KIAA1328: variants seen among roughly 807,000 people sequenced by gnomAD.
KIAA1328 encodes the protein KIAA1328, also known as protein hinderin.
In KIAA1328, 52 loss-of-function variants were observed where a neutral mutation model predicts 68.1. The ratio of observed to expected loss-of-function variants is 0.76; its 90% confidence interval spans 0.61 to 0.96. The LOEUF (loss-of-function observed/expected upper bound fraction) is 0.96, where lower values mean the gene tolerates loss of function less well. Ranked by LOEUF, KIAA1328 falls within the 40% of genes least tolerant of loss-of-function variation. The pLI is 0.00. For missense variants in KIAA1328, 641 were observed against 677.6 expected (o/e 0.95, Z 0.60); for synonymous variants, 232 against 239.4 (o/e 0.97, Z 0.28).
chr18:36,940,581 C>A (rs2050670353), intron 5 of KIAA1328, among the ~76,000 whole-genome samples: 1 of 152,006 alleles, frequency 6.6e-6, no homozygotes, highest in Admixed American at 6.5e-5. Context: ...TCCTGACTTC[C>A]CTTTTATATG....
intron 8 of KIAA1328, among the ~76,000 whole-genome samples, chr18:37,164,477 G>A (rs2059345357): frequency 1.3e-5 from 2 of 152,170 alleles, no homozygotes; most frequent in Non-Finnish European, 2.9e-5. Context: ...GGGTGTGGTG[G>A]CTCACGCCTG....
At chr18:37,107,030 G>C (rs1276241696) in intron 7 of KIAA1328, among the ~76,000 whole-genome samples, 1 of 152,102 alleles carries the variant, frequency 6.6e-6, no homozygotes, top group East Asian at 1.9e-4. Flanking sequence ...GATCACTTGA[G>C]GCCAGGAGTT....
In KIAA1328 at chr18:36,844,236, C is replaced by T. The variant is rs754570251; in HGVS notation, c.266C>T (p.Ala89Val). The T allele has an allele frequency of 1.9e-6, 3 of 1,602,638 alleles. No individual in the cohort carries two copies. Among genetic ancestry groups the T allele is most frequent in the South Asian group, 2.3e-5 (2 of 88,622 alleles). Reference sequence around the variant, plus strand: ...TCCTGCAGGGGAGAAATAAAGAGTGCATCATTGAAGGATTTATGTCTTGAA... The same window carrying T: ...TCCTGCAGGGGAGAAATAAAGAGTGTATCATTGAAGGATTTATGTCTTGAA... ...QNSCRGEIKS[A>V]SLKDLCLEDK... Residue 89 changes from alanine (A) to valine (V), a missense_variant, in exon 4 of 10, where the codon GCA becomes GTA. Physicochemically the swap from Ala to Val is moderately conservative, Grantham distance 64. Coordinates refer to ENST00000280020, the MANE Select transcript of KIAA1328 (RefSeq NM_020776.3).
intron 6 of KIAA1328, among the ~76,000 whole-genome samples, chr18:36,973,862 C>T (rs939403018): frequency 2.2e-5 from 3 of 135,928 alleles, no homozygotes; most frequent in African/African-American, 7.5e-5. Flanking sequence ...TATATATCTT[C>T]AAAAATTCTA....
intron 6 of KIAA1328, among the ~76,000 whole-genome samples, chr18:37,013,714 G>A (rs1401257930): frequency 6.6e-6 from 1 of 152,094 alleles, no homozygotes; most frequent in Non-Finnish European, 1.5e-5. Context: ...CATGGTATAC[G>A]TGTACCACAT....
intron 7 of KIAA1328, among the ~76,000 whole-genome samples, chr18:37,103,237 A>T (rs1342624809): frequency 6.6e-6 from 1 of 152,204 alleles, no homozygotes; most frequent in Non-Finnish European, 1.5e-5. Context: ...GTTACATCAC[A>T]CTACCTGACT....
In KIAA1328 at chr18:36,918,183, CCAAT is replaced by C. The variant is rs1201598587; in HGVS notation, c.448+32514_448+32517del. On this transcript the variant is annotated intron_variant, in intron 5 of 9. Coordinates refer to ENST00000280020, the MANE Select transcript of KIAA1328 (RefSeq NM_020776.3). ...TAAATATTCCCCCCCTTTTTTGTAT[CCAAT>C]CAGTCTCTGATTTTTCCCCTTTTCC... Among the ~76,000 whole-genome samples, 9 of 151,904 alleles carry C rather than the reference CCAAT, an allele frequency of 5.9e-5. 1 individual carries two copies. The South Asian group carries it at 1.2e-3, about 21-fold the overall frequency.
intron 7 of KIAA1328, among the ~76,000 whole-genome samples, chr18:37,118,205 G>A (rs945073777): frequency 6.6e-6 from 1 of 151,922 alleles, no homozygotes; most frequent in African/African-American, 2.4e-5. Flanking sequence ...ATGTTGCCTA[G>A]GATGGTCTTG....
intron 5 of KIAA1328, among the ~76,000 whole-genome samples, chr18:36,943,675 T>C (rs987597463): frequency 1.3e-5 from 2 of 152,202 alleles, no homozygotes; most frequent in African/African-American, 4.8e-5. Flanking sequence ...AACTGAATAA[T>C]ACTGTGATTT....
At chr18:37,084,177 C>G in intron 7 of KIAA1328, 1 of 1,526,706 alleles carries the variant, frequency 6.6e-7, no homozygotes, top group Admixed American at 2.0e-5. Context: ...TGAAAAACAG[C>G]TTACTAAACC....
intron 4 of KIAA1328, among the ~76,000 whole-genome samples, chr18:36,877,195 C>CT (rs1406514974): frequency 6.6e-6 from 1 of 152,066 alleles, no homozygotes; most frequent in Non-Finnish European, 1.5e-5. Flanking sequence ...ATTAGGTCTG[C>CT]TTGGTCCAGA....
intron 7 of KIAA1328, among the ~76,000 whole-genome samples, chr18:37,104,544 T>C (rs2057715249): frequency 6.6e-6 from 1 of 152,100 alleles, no homozygotes; most frequent in Non-Finnish European, 1.5e-5. Context: ...GATGAATGGG[T>C]ACAAACACAC....
At chr18:37,030,824 CCT>C (rs1248384523) in intron 6 of KIAA1328, among the ~76,000 whole-genome samples, 1 of 152,000 alleles carries the variant, frequency 6.6e-6, no homozygotes, top group African/African-American at 2.4e-5. Context: ...TAATGCTATC[CCT>C]CTCCTATGCC....
chr18:36,940,938 T>C (rs559138525), intron 5 of KIAA1328, among the ~76,000 whole-genome samples: 18 of 152,268 alleles, frequency 1.2e-4, no homozygotes, highest in African/African-American at 4.1e-4. Context: ...CCTCCCAAAG[T>C]GCTGGAATTA....
intron 6 of KIAA1328, among the ~76,000 whole-genome samples, chr18:37,056,541 CT>C (rs1417438419): frequency 2.6e-5 from 4 of 152,082 alleles, no homozygotes; most frequent in Non-Finnish European, 4.4e-5. Context: ...TCATTTTCTC[CT>C]CATCTTTGTT....
chr18:36,927,212 G>A (rs1482928033), intron 5 of KIAA1328, among the ~76,000 whole-genome samples: 1 of 152,132 alleles, frequency 6.6e-6, no homozygotes, highest in Non-Finnish European at 1.5e-5. Context: ...GGTTTTTCAG[G>A]TGTGACAAAT....
At chr18:36,835,424 G>A (rs1403517643) in intron 3 of KIAA1328, 48 bp downstream of exon 3, 1 of 1,559,398 alleles carries the variant, frequency 6.4e-7, no homozygotes, top group Non-Finnish European at 8.7e-7. Context: ...CAGTCTTTAT[G>A]AGTGCTGACC....
chr18:36,988,384 T>G (rs1378055759), intron 6 of KIAA1328, among the ~76,000 whole-genome samples: 1 of 152,208 alleles, frequency 6.6e-6, no homozygotes, highest in African/African-American at 2.4e-5. Context: ...CAAACTTCAT[T>G]GATTTACTCT....
rs1373581476 is a variant in KIAA1328 at position 37,225,305 on chromosome 18, A to C, written c.*3078A>C. 1 of 985,368 alleles carries C rather than the reference A, an allele frequency of 1.0e-6. No individual in the cohort carries two copies. Among genetic ancestry groups the C allele is most frequent in the Non-Finnish European group, 1.2e-6 (1 of 829,864 alleles). The allele number at this position is 985,368 out of a possible 1,614,324, so 61.0% of individuals were successfully genotyped here. On this transcript the variant is annotated 3_prime_UTR_variant, in exon 10 of 10. Transcript: ENST00000280020. ...TTATGTACGTATGAGATTTCAAGTT[A>C]ATAAATCATCTCTATGGCTATTTTC... is the stretch of plus-strand genomic sequence containing the variant.
Sources: allele counts gnomAD v4.1 joint callset (sites outside exome capture counted in the v4.1 genomes callset), GRCh38; gene constraint gnomAD v4.1.1; transcripts MANE v1.5; gene names NCBI Gene and HGNC (gene_info 2026-07-23, HGNC 2026-07-21).